XKR9: variants seen among roughly 807,000 people sequenced by gnomAD.
The protein encoded by XKR9 is XK related 9.
Under a neutral mutation model 32.0 loss-of-function variants are expected in XKR9, and 32 were observed. The ratio of observed to expected loss-of-function variants is 1.00; its 90% confidence interval spans 0.76 to 1.34. The LOEUF (loss-of-function observed/expected upper bound fraction) is 1.34. Ranked by LOEUF, XKR9 falls within the 40% of genes most tolerant of loss-of-function variation. The probability of loss-of-function intolerance (pLI) is 0.00; values close to 1 mark genes in which losing one functional copy is unlikely to be tolerated. For missense variants in XKR9, 546 were observed against 429.7 expected, an observed-to-expected ratio of 1.27 and a Z score of -2.39; for synonymous variants, 168 against 143.4, an observed-to-expected ratio of 1.17 and a Z score of -1.22.
At chr8:70,676,516 C>G (rs1299559003) in intron 2 of XKR9, among the ~76,000 whole-genome samples, 1 of 152,136 alleles carries the variant, frequency 6.6e-6, no homozygotes, top group Non-Finnish European at 1.5e-5. Flanking sequence ...AATTGAAAGA[C>G]CTGCAGCTCT....
Position 70,734,218 on chromosome 8 carries a change from T to C in XKR9, c.916T>C (p.Trp306Arg). The change falls in exon 5 of 5, where the codon TGG (tryptophan) becomes CGG (arginine). Residue 306 changes from tryptophan to arginine, a missense_variant. By Grantham distance (101) the Trp-to-Arg change is moderately radical (BLOSUM62 -3). Coordinates refer to ENST00000408926, the MANE Select transcript of XKR9 (RefSeq NM_001011720.2). ...CACTTTGGGGATATTGACTGTATTC[T>C]GGGTTTGCCCCCTCACTATTTTTAA... ...LGTLGILTVF[W>R]VCPLTIFNPD... 1 of 1,613,356 alleles carries C rather than the reference T, an allele frequency of 6.2e-7. No homozygotes were observed. Among genetic ancestry groups the C allele is most frequent in the Non-Finnish European group, 8.5e-7 (1 of 1,179,582 alleles).
the XKR9 span, among the ~76,000 whole-genome samples, chr8:70,900,795 T>C: frequency 6.6e-6 from 1 of 152,162 alleles, no homozygotes; most frequent in Non-Finnish European, 1.5e-5. Context: ...TATCTCCTAA[T>C]GCTATCCCTC....
the XKR9 span, among the ~76,000 whole-genome samples, chr8:71,028,564 A>G: frequency 6.6e-6 from 1 of 152,180 alleles, no homozygotes; most frequent in Admixed American, 6.5e-5. Flanking sequence ...TTTGAGATCT[A>G]TTGCATAACA....
chr8:71,032,786 C>T, the XKR9 span, among the ~76,000 whole-genome samples: 19 of 152,120 alleles, frequency 1.2e-4, no homozygotes, highest in Non-Finnish European at 2.4e-4. Context: ...TTATTTTCCT[C>T]GTGTTTTAAA....
the XKR9 span, among the ~76,000 whole-genome samples, chr8:70,846,500 C>A: frequency 6.6e-6 from 1 of 151,802 alleles, no homozygotes; most frequent in Admixed American, 6.6e-5. Context: ...CAGAAAACTA[C>A]AAAATGGTAG....
chr8:70,856,638 A>G, the XKR9 span, among the ~76,000 whole-genome samples: 2 of 152,214 alleles, frequency 1.3e-5, no homozygotes, highest in Non-Finnish European at 2.9e-5. Flanking sequence ...AGACATCTGC[A>G]GAACTCTTCA....
chr8:70,928,835 A>G, the XKR9 span, among the ~76,000 whole-genome samples: 1 of 152,194 alleles, frequency 6.6e-6, no homozygotes, highest in Non-Finnish European at 1.5e-5. Context: ...GTGGAGTCAC[A>G]TCATATGCAC....
chr8:70,938,095 A>G, the XKR9 span, among the ~76,000 whole-genome samples: 1 of 152,024 alleles, frequency 6.6e-6, no homozygotes, highest in African/African-American at 2.4e-5. Context: ...CAGTGCTGTT[A>G]TCAGTTTAGA....
chr8:70,688,353 T>C (rs1563423482), intron 3 of XKR9, among the ~76,000 whole-genome samples: 1 of 152,086 alleles, frequency 6.6e-6, no homozygotes, highest in Non-Finnish European at 1.5e-5. Context: ...GTTCTCCCCG[T>C]CACCCATACA....
the XKR9 span, among the ~76,000 whole-genome samples, chr8:70,976,014 G>T: frequency 6.6e-6 from 1 of 152,150 alleles, no homozygotes; most frequent in Non-Finnish European, 1.5e-5. Flanking sequence ...ATTGTGAATG[G>T]GAGTTCACTC....
downstream of XKR9, among the ~76,000 whole-genome samples, chr8:70,738,166 A>T (rs1195142907): frequency 6.0e-5 from 8 of 134,252 alleles, no homozygotes; most frequent in East Asian, 1.9e-4. Context: ...TGGTCTATTC[A>T]GAGATTCAAC....
chr8:71,051,514 G>A, the XKR9 span, among the ~76,000 whole-genome samples: 2 of 101,870 alleles, frequency 2.0e-5, no homozygotes, highest in Admixed American at 9.5e-5. Flanking sequence ...TGCTGGTGGC[G>A]GTGGTGGTGG....
At chr8:70,950,294 C>T in the XKR9 span, among the ~76,000 whole-genome samples, 1 of 152,086 alleles carries the variant, frequency 6.6e-6, no homozygotes, top group Admixed American at 6.6e-5. Context: ...GAAGAGGTAC[C>T]AGATCTCCTG....
chr8:70,778,135 G>T (rs994135351), intron 2 of XKR9, among the ~76,000 whole-genome samples: 1 of 152,138 alleles, frequency 6.6e-6, no homozygotes, highest in African/African-American at 2.4e-5. Flanking sequence ...TTTGTATAAG[G>T]TGTAAGGAAG....
At chr8:71,044,758 G>A in the XKR9 span, among the ~76,000 whole-genome samples, 1 of 152,076 alleles carries the variant, frequency 6.6e-6, no homozygotes, top group Non-Finnish European at 1.5e-5. Flanking sequence ...AAAATTTAAT[G>A]CATTGTCACA....
the XKR9 span, among the ~76,000 whole-genome samples, chr8:70,823,599 C>T: frequency 6.6e-6 from 1 of 152,152 alleles, no homozygotes; most frequent in African/African-American, 2.4e-5. Flanking sequence ...TTGAAATTCC[C>T]ATGGTTGCTA....
chr8:70,669,681 T>TA (rs1818636745), intron 1 of XKR9, 143 bp downstream of exon 1: 1 of 148,742 alleles, frequency 6.7e-6, no homozygotes, highest in Non-Finnish European at 1.5e-5. Context: ...TTTTTTTTTT[T>TA]TTTGAGACGA....
chr8:70,817,356 G>T, the XKR9 span, among the ~76,000 whole-genome samples: 1 of 152,034 alleles, frequency 6.6e-6, no homozygotes, highest in African/African-American at 2.4e-5. Flanking sequence ...GCCAAATCAA[G>T]AATGTAATTC....
At chr8:71,041,915 T>C in the XKR9 span, among the ~76,000 whole-genome samples, 1 of 152,194 alleles carries the variant, frequency 6.6e-6, no homozygotes, top group African/African-American at 2.4e-5. Flanking sequence ...AGATATTTCT[T>C]TACAGCAGTG....
Sources: allele counts gnomAD v4.1 joint callset (sites outside exome capture counted in the v4.1 genomes callset), GRCh38; gene constraint gnomAD v4.1.1; transcripts MANE v1.5; gene names NCBI Gene and HGNC (gene_info 2026-07-23, HGNC 2026-07-21).